The following LPP variants were observed in gnomAD, a reference collection of about 807,000 sequenced individuals.
LPP encodes the protein lipoma-preferred partner.
LPP carries 38 observed loss-of-function variants against 60.4 expected under a neutral mutation model. The observed-to-expected ratio is 0.63, with a 90% confidence interval of 0.49 to 0.83. LPP has a LOEUF of 0.83. LPP is among the 40% of genes least tolerant of loss of function. The probability of loss-of-function intolerance (pLI) is 0.00; values close to 1 mark genes in which losing one functional copy is unlikely to be tolerated. For missense variants in LPP, 902 were observed against 783.6 expected (o/e 1.15, Z -1.80); for synonymous variants, 328 against 290.8 (o/e 1.13, Z -1.30).
chr3:188,794,992 G>A (rs1331859447), intron 9 of LPP, among the ~76,000 whole-genome samples: 1 of 152,108 alleles, frequency 6.6e-6, no homozygotes, highest in African/African-American at 2.4e-5. Flanking sequence ...AAAATTAGCT[G>A]GACGTTGTGG....
At chr3:188,444,424 C>A (rs764645651) in intron 4 of LPP, among the ~76,000 whole-genome samples, 7 of 152,070 alleles carry the variant, frequency 4.6e-5, no homozygotes, top group Non-Finnish European at 8.8e-5. Context: ...TCGTTGATTG[C>A]ATATTAAATA....
rs202183323 is a variant in LPP at position 188,212,006 on chromosome 3, A to AC, written c.-189-13398dup. Among the ~76,000 whole-genome samples, 1,414 of 152,078 alleles carry AC rather than the reference A, an allele frequency of 9.3e-3. 23 individuals carry two copies. Among genetic ancestry groups the AC allele is most frequent in the African/African-American group, 0.032 (1,346 of 41,500 alleles). ...CCCAAGTAGCTGGGATTACAGGCAC[A>AC]CACCACCATGCCTGGCTAATTTTTG... On this transcript the variant is annotated intron_variant, in intron 1 of 11. Transcript: ENST00000617246.
intron 9 of LPP, among the ~76,000 whole-genome samples, chr3:188,816,007 G>A (rs1218675753): frequency 6.6e-6 from 1 of 152,052 alleles, no homozygotes; most frequent in Non-Finnish European, 1.5e-5. Flanking sequence ...TCAAGCTCAG[G>A]TGACTTTAAA....
chr3:188,191,242 A>G (rs1728096209), intron 1 of LPP, among the ~76,000 whole-genome samples: 1 of 151,580 alleles, frequency 6.6e-6, no homozygotes, highest in African/African-American at 2.4e-5. Context: ...AACAGAAACA[A>G]AAACAAACAA....
intron 6 of LPP, among the ~76,000 whole-genome samples, chr3:188,577,721 C>G (rs1204001263): frequency 6.6e-6 from 1 of 150,650 alleles, no homozygotes; most frequent in Non-Finnish European, 1.5e-5. Context: ...CTCCTCTCCT[C>G]TCTTTGGTTT....
At chr3:188,614,390 G>A (rs1844471065) in intron 7 of LPP, among the ~76,000 whole-genome samples, 2 of 152,166 alleles carry the variant, frequency 1.3e-5, no homozygotes, top group African/African-American at 4.8e-5. Flanking sequence ...GTGGGCAGAG[G>A]AATGAATGCA....
chr3:188,200,468 A>T (rs1730790773), intron 1 of LPP, among the ~76,000 whole-genome samples: 1 of 152,100 alleles, frequency 6.6e-6, no homozygotes, highest in Non-Finnish European at 1.5e-5. Flanking sequence ...CAGGCTGGTT[A>T]GCCACAATCC....
intron 3 of LPP, among the ~76,000 whole-genome samples, chr3:188,367,411 C>T (rs191747026): frequency 6.6e-6 from 1 of 152,164 alleles, no homozygotes; most frequent in Admixed American, 6.5e-5. Flanking sequence ...CCTATTGTCA[C>T]ATCTATTATA....
chr3:188,889,732 T>C lies in LPP; in HGVS notation c.*15253T>C. On this transcript the variant is annotated 3_prime_UTR_variant, in exon 12 of 12. Coordinates refer to ENST00000617246, the MANE Select transcript of LPP (RefSeq NM_001375462.1). ...TACGGGTGAGGTTGGAACAGCTATG[T>C]TTCATAATTTCAAGAGTGTGACCAC... The C allele has an allele frequency of 4.6e-6, 1 of 219,496 alleles. No individual in the cohort carries two copies. Among genetic ancestry groups the C allele is most frequent in the Non-Finnish European group, 9.1e-6 (1 of 109,396 alleles). The allele number at this position is 219,496 out of a possible 1,614,324, so 13.6% of individuals were successfully genotyped here.
chr3:188,255,911 G>A (rs1161702042), intron 2 of LPP, among the ~76,000 whole-genome samples: 1 of 152,102 alleles, frequency 6.6e-6, no homozygotes, highest in Non-Finnish European at 1.5e-5. Flanking sequence ...TCATTGCATT[G>A]ATGCGAACAT....
Position 188,517,568 on chromosome 3 carries a change from G to A in LPP, c.307-7097G>A, listed in dbSNP as rs547937435. Among the ~76,000 whole-genome samples, 40 of 152,246 alleles carry A rather than the reference G, an allele frequency of 2.6e-4. No individual in the cohort carries two copies. The South Asian group carries it at 7.1e-3, about 27-fold the overall frequency. The stretch of plus-strand genomic sequence containing the variant: ...TCACACTACTAATAAAGACATCCCC[G>A]AATCTGGGAAGAAAAAGAGGTTTAA... On this transcript the variant is annotated intron_variant, in intron 5 of 11. Coordinates refer to ENST00000617246, the MANE Select transcript of LPP (RefSeq NM_001375462.1).
intron 9 of LPP, among the ~76,000 whole-genome samples, chr3:188,770,169 T>A (rs1320462905): frequency 0.046 from 1,399 of 30,402 alleles, 47 homozygotes; most frequent in African/African-American, 0.2. Flanking sequence ...GTTATAATTC[T>A]TTTTTTTTTT....
intron 2 of LPP, among the ~76,000 whole-genome samples, chr3:188,282,921 G>A (rs1742606003): frequency 6.6e-6 from 1 of 152,172 alleles, no homozygotes; most frequent in Admixed American, 6.5e-5. Context: ...ATCCTTTGGA[G>A]GCTAGCTCAG....
At chr3:188,664,588 T>A (rs758127331) in intron 7 of LPP, among the ~76,000 whole-genome samples, 1 of 151,864 alleles carries the variant, frequency 6.6e-6, no homozygotes, top group Non-Finnish European at 1.5e-5. Flanking sequence ...GTGGGGAAGA[T>A]GGATATATGT....
chr3:188,512,321 G>A (rs1044117383), intron 5 of LPP, among the ~76,000 whole-genome samples: 1 of 152,170 alleles, frequency 6.6e-6, no homozygotes, highest in Non-Finnish European at 1.5e-5. Flanking sequence ...ACTTTGGGAG[G>A]CCTAGGCGGG....
intron 9 of LPP, among the ~76,000 whole-genome samples, chr3:188,834,324 G>GTTTTTTTTTTTTTTTTTTTTTTTTGGGTT: frequency 2.9e-5 from 1 of 34,074 alleles, no homozygotes; most frequent in Non-Finnish European, 5.0e-5. Context: ...CTTTTTGGGT[G>GTTTTTTTTTTTTTTTTTTTTTTTTGGGTT]TTTTTTTTTT....
At chr3:188,659,340 C>T (rs932256500) in intron 7 of LPP, among the ~76,000 whole-genome samples, 7 of 152,146 alleles carry the variant, frequency 4.6e-5, no homozygotes, top group South Asian at 2.1e-4. Flanking sequence ...TTACATGTTA[C>T]GTCTTTTATC....
At chr3:188,516,310 A>G (rs1365575878) in intron 5 of LPP, among the ~76,000 whole-genome samples, 1 of 152,178 alleles carries the variant, frequency 6.6e-6, no homozygotes, top group Non-Finnish European at 1.5e-5. Context: ...TCTATTAGAT[A>G]AAATAGATCA....
chr3:188,825,966 A>T (rs1211192194), intron 9 of LPP, among the ~76,000 whole-genome samples: 5 of 152,036 alleles, frequency 3.3e-5, no homozygotes, highest in African/African-American at 1.2e-4. Flanking sequence ...TCTACCAAGG[A>T]TACCTGGTGA....
Sources: allele counts gnomAD v4.1 joint callset (sites outside exome capture counted in the v4.1 genomes callset), GRCh38; gene constraint gnomAD v4.1.1; transcripts MANE v1.5; gene names NCBI Gene and HGNC (gene_info 2026-07-23, HGNC 2026-07-21).